Variants in CAMTA1 observed in about 807,000 individuals in gnomAD.
CAMTA1 encodes the protein calmodulin binding transcription activator 1.
A neutral mutation model predicts 170.9 loss-of-function variants in CAMTA1; 27 were observed. The ratio of observed to expected loss-of-function variants is 0.16; its 90% CI spans 0.12 to 0.22. CAMTA1 has a LOEUF of 0.22. Ranked by LOEUF, CAMTA1 falls within the 10% of genes least tolerant of loss-of-function variation. The pLI is 1.00. For missense variants in CAMTA1, 1,619 were observed against 2,217.2 expected (o/e 0.73, Z 5.42); for synonymous variants, 833 against 891.5 (o/e 0.93, Z 1.17).
chr1:7,666,082 T>A (rs2095998654), intron 9 of CAMTA1, among the ~76,000 whole-genome samples: 1 of 150,794 alleles, frequency 6.6e-6, no homozygotes, highest in Admixed American at 6.6e-5. Context: ...GGCAGGAGAA[T>A]CGCTTGAACC....
chr1:7,025,388 T>C (rs1301369273), intron 3 of CAMTA1, among the ~76,000 whole-genome samples: 8 of 151,898 alleles, frequency 5.3e-5, no homozygotes, highest in Non-Finnish European at 1.2e-4. Flanking sequence ...ATGGCTGGGG[T>C]TTCTCAGATG....
chr1:7,686,929 A>G (rs1056525209), intron 11 of CAMTA1, among the ~76,000 whole-genome samples: 2 of 152,052 alleles, frequency 1.3e-5, no homozygotes, highest in African/African-American at 4.8e-5. Context: ...ATTTCCTGAG[A>G]TGGAGAAGTC....
At chr1:7,058,006 A>G (rs1171024998) in intron 3 of CAMTA1, among the ~76,000 whole-genome samples, 1 of 152,158 alleles carries the variant, frequency 6.6e-6, no homozygotes, top group African/African-American at 2.4e-5. Context: ...TCTGTTCCAG[A>G]GGCAGGGAGG....
chr1:7,436,882 A>G (rs1241619494), intron 5 of CAMTA1, among the ~76,000 whole-genome samples: 1 of 152,016 alleles, frequency 6.6e-6, no homozygotes, highest in Non-Finnish European at 1.5e-5. Context: ...TAAAGAGGTA[A>G]CTGAGGCTGG....
intron 5 of CAMTA1, among the ~76,000 whole-genome samples, chr1:7,408,835 C>T (rs1238729921): frequency 1.3e-5 from 2 of 152,204 alleles, no homozygotes; most frequent in African/African-American, 4.8e-5. Context: ...CCAAGTCTGG[C>T]ACTCATTGGC....
chr1:7,361,762 TTGG>T, intron 5 of CAMTA1, among the ~76,000 whole-genome samples: 1 of 152,338 alleles, frequency 6.6e-6, no homozygotes, highest in East Asian at 1.9e-4. Flanking sequence ...GAAAACTGCC[TTGG>T]TGGGGATTAT....
At chr1:7,222,394 C>T (rs1444736535) in intron 4 of CAMTA1, among the ~76,000 whole-genome samples, 4 of 152,198 alleles carry the variant, frequency 2.6e-5, no homozygotes, top group Non-Finnish European at 5.9e-5. Flanking sequence ...TCAATCCTTT[C>T]TGCATCTCGC....
chr1:7,451,408 C>A lies in CAMTA1; in HGVS notation c.439-16422C>A, dbSNP rs933171052. On this transcript the variant is annotated intron_variant, in intron 5 of 22. Coordinates refer to ENST00000303635, the MANE Select transcript of CAMTA1 (RefSeq NM_015215.4). ...GGCCAGGTGGCCGCCCTCGCCACTG[C>A]GGCACTGCCTACGGAGGGTCACAGC... 3.3e-5 allele frequency among the ~76,000 whole-genome samples: 5 copies of A among 152,240 alleles called. No homozygotes were observed. In the East Asian group the frequency reaches 7.8e-4, roughly 24 times the overall value.
intron 5 of CAMTA1, among the ~76,000 whole-genome samples, chr1:7,303,440 G>T (rs1404012339): frequency 6.6e-6 from 1 of 152,134 alleles, no homozygotes; most frequent in Non-Finnish European, 1.5e-5. Flanking sequence ...ATGAAGCTGA[G>T]CTATACTCTA....
At chr1:7,655,856 G>A (rs1316406188) in intron 7 of CAMTA1, among the ~76,000 whole-genome samples, 1 of 152,226 alleles carries the variant, frequency 6.6e-6, no homozygotes, top group Non-Finnish European at 1.5e-5. Context: ...TGAGGATGGG[G>A]GAGGCCTGAG....
chr1:7,185,379 A>G (rs1374641833), intron 4 of CAMTA1, among the ~76,000 whole-genome samples: 1 of 152,234 alleles, frequency 6.6e-6, no homozygotes, highest in Admixed American at 6.5e-5. Flanking sequence ...AATTTTGACC[A>G]GAAAGTAAGG....
rs183594138 is a variant in CAMTA1, at chr1:7,455,063, G to A, written c.439-12767G>A. Among the ~76,000 whole-genome samples, 61 of 152,274 alleles carry A rather than the reference G, an allele frequency of 4.0e-4. No individual in the cohort carries two copies. The highest frequency in any genetic ancestry group is 5.9e-4 in the Non-Finnish European group (40 of 68,020). Reference sequence around the variant, plus strand: ...GGTTCCGATGCACTCAGGGCCCTGGGGGCATCCAGGGCCGGCCTGGCTGGG... The same window carrying A: ...GGTTCCGATGCACTCAGGGCCCTGGAGGCATCCAGGGCCGGCCTGGCTGGG... On this transcript the variant is annotated intron_variant, in intron 5 of 22. Transcript: ENST00000303635. This position sits in a 1 kb window ranked among gnomAD's most constrained non-coding sequence, Gnocchi z 5.0.
At chr1:7,727,938 C>G (rs2096703441) in intron 11 of CAMTA1, among the ~76,000 whole-genome samples, 1 of 152,226 alleles carries the variant, frequency 6.6e-6, no homozygotes, top group South Asian at 2.1e-4. Flanking sequence ...ACCGCACTCC[C>G]TGGGTGCCAG....
intron 5 of CAMTA1, among the ~76,000 whole-genome samples, chr1:7,419,376 C>T (rs1055626854): frequency 6.6e-5 from 10 of 152,062 alleles, no homozygotes; most frequent in Non-Finnish European, 1.0e-4. Flanking sequence ...AGGCTGGTCT[C>T]GAACTTCTGA....
At chr1:7,627,294 T>G (rs1212404853) in intron 6 of CAMTA1, among the ~76,000 whole-genome samples, 1 of 152,208 alleles carries the variant, frequency 6.6e-6, no homozygotes. Flanking sequence ...TTTACCTAGA[T>G]GGGCTCCTAT....
At chr1:6,849,961 G>T (rs759806781) in intron 3 of CAMTA1, among the ~76,000 whole-genome samples, 3 of 151,560 alleles carry the variant, frequency 2.0e-5, no homozygotes, top group Non-Finnish European at 4.4e-5. Flanking sequence ...CTTGAACCTG[G>T]GAGGTGGAGG....
At chr1:7,559,168 C>T (rs975723918) in intron 6 of CAMTA1, among the ~76,000 whole-genome samples, 9 of 152,168 alleles carry the variant, frequency 5.9e-5, no homozygotes, top group African/African-American at 1.9e-4. Context: ...TAGGCATTGC[C>T]GCCACCCGCC....
chr1:7,554,255 G>A (rs1346961638), intron 6 of CAMTA1, among the ~76,000 whole-genome samples: 2 of 152,180 alleles, frequency 1.3e-5, no homozygotes, highest in Non-Finnish European at 1.5e-5. Flanking sequence ...TTCCCCAGAA[G>A]TGGTCATCTT....
intron 4 of CAMTA1, among the ~76,000 whole-genome samples, chr1:7,154,670 A>G (rs1156649322): frequency 2.0e-5 from 3 of 152,222 alleles, no homozygotes; most frequent in Admixed American, 6.5e-5. Flanking sequence ...GGTTCCAGGC[A>G]TGTGACACCC....
Sources: gnomAD v4.1 joint callset for allele counts (sites outside exome capture counted in the v4.1 genomes callset) on GRCh38, gnomAD v4.1.1 for gene constraint, Gnocchi (gnomAD v3.1) non-coding constraint, MANE v1.5 for transcripts, NCBI Gene and HGNC (gene_info 2026-07-23, HGNC 2026-07-21) for gene names.